Variants in AVEN observed in about 807,000 individuals in gnomAD.
The protein encoded by AVEN is apoptosis and caspase activation inhibitor, also known as cell death regulator Aven.
A neutral mutation model predicts 38.1 loss-of-function variants in AVEN; 41 were observed. That is an observed-to-expected ratio of 1.08 (90% CI 0.84 to 1.40). The LOEUF is 1.40. Ranked by LOEUF, AVEN falls within the 40% of genes most tolerant of loss-of-function variation. AVEN has a pLI of 0.00. For synonymous variants in AVEN, 206 were observed against 171.8 expected (o/e 1.20, Z -1.56); for missense variants, 605 against 438.8 (o/e 1.38, Z -3.38).
intron 1 of AVEN, among the ~76,000 whole-genome samples, chr15:34,014,367 T>A (rs1223816797): frequency 2.9e-4 from 4 of 13,576 alleles, no homozygotes; most frequent in Admixed American, 1.7e-3. Context: ...TCCATCTCAT[T>A]AAAAAAAAAA....
At chr15:34,064,262 A>C in intron 4 of AVEN, 1 of 1,614,100 alleles carries the variant, frequency 6.2e-7, no homozygotes. Flanking sequence ...GCCGATGGAA[A>C]AAGAAAAAAG....
intron 2 of AVEN, among the ~76,000 whole-genome samples, chr15:33,916,771 C>T (rs1230289120): frequency 1.3e-5 from 2 of 151,838 alleles, no homozygotes; most frequent in Non-Finnish European, 2.9e-5. Flanking sequence ...CGTTATTAGT[C>T]TGTTCTCATG....
chr15:33,985,977 AC>A (rs1896432205), intron 2 of AVEN, among the ~76,000 whole-genome samples: 1 of 152,210 alleles, frequency 6.6e-6, no homozygotes, highest in South Asian at 2.1e-4. Flanking sequence ...GATCTAACTC[AC>A]ATAGCATTCC....
downstream of AVEN, among the ~76,000 whole-genome samples, chr15:33,861,585 T>A (rs1190884263): frequency 6.6e-6 from 1 of 152,150 alleles, no homozygotes; most frequent in Admixed American, 6.6e-5. Context: ...AAGCTGTCCA[T>A]GCTCAGTCAC....
chr15:34,003,299 A>G, intron 1 of AVEN, 90 bp from the exon 2 acceptor site: 1 of 1,135,272 alleles, frequency 8.8e-7, no homozygotes, highest in Non-Finnish European at 1.3e-6. Flanking sequence ...ACATGGACAT[A>G]ACAATAAAAA....
At chr15:34,070,976 T>C (rs1299360823) in intron 1 of AVEN, among the ~76,000 whole-genome samples, 4 of 152,198 alleles carry the variant, frequency 2.6e-5, no homozygotes, top group Admixed American at 6.5e-5. Context: ...ACTACCACCC[T>C]GTGTTAGTGT....
At chr15:34,037,203 T>C (rs1477313944) in intron 1 of AVEN, among the ~76,000 whole-genome samples, 1 of 152,034 alleles carries the variant, frequency 6.6e-6, no homozygotes, top group East Asian at 1.9e-4. Context: ...CAATTCAACT[T>C]AAAGACACTT....
At position 33,860,188 on chromosome 15, in the gene AVEN, C is replaced by A. The variant is rs190194371; in HGVS notation, n.2730-1094G>T. 5.9e-5 allele frequency among the ~76,000 whole-genome samples: 9 copies of A among 152,232 alleles called. No individual in the cohort carries two copies. The East Asian group carries it at 1.7e-3, about 29-fold the overall frequency. The stretch of plus-strand genomic sequence containing the variant: ...CTTGAGTCATGCTGAGTGGAGGAAC[C>A]TGTAAGACATGCAGGTGTTGAGGGC... On this transcript the variant is annotated intron_variant and non_coding_transcript_variant, in intron 11 of 11. Transcript: ENST00000675287.
chr15:34,047,311 T>A (rs1004027243), intron 5 of AVEN, among the ~76,000 whole-genome samples: 1 of 152,124 alleles, frequency 6.6e-6, no homozygotes, highest in African/African-American at 2.4e-5. Context: ...TCTCCTGACC[T>A]GATGATCCGC....
At chr15:33,968,349 C>A (rs1375298744) in intron 2 of AVEN, among the ~76,000 whole-genome samples, 5 of 152,092 alleles carry the variant, frequency 3.3e-5, no homozygotes, top group African/African-American at 1.2e-4. Flanking sequence ...GAACACCTAT[C>A]AAAACGAATA....
At chr15:34,001,364 CT>C (rs908279987) in intron 2 of AVEN, among the ~76,000 whole-genome samples, 1 of 151,928 alleles carries the variant, frequency 6.6e-6, no homozygotes, top group Admixed American at 6.6e-5. Context: ...TATGAAGTAT[CT>C]TTTTTTTGAC....
rs150405972 is a variant in AVEN, at chr15:34,037,681, T to C, written c.267+1099A>G. Among the ~76,000 whole-genome samples the C allele has an allele frequency of 4.6e-5, 7 of 151,940 alleles. No individual in the cohort carries two copies. In the East Asian group the frequency reaches 9.6e-4, roughly 21 times the overall value. ...GGTAAACTGACCCTAAAAATGTTTT[T>C]ATATCTCATTCAAGTTTTGCCTATT... is the stretch of plus-strand genomic sequence containing the variant. On this transcript the variant is annotated intron_variant, in intron 1 of 5. Coordinates refer to ENST00000306730, the MANE Select transcript of AVEN (RefSeq NM_020371.3).
At chr15:33,913,719 A>G (rs2091506964) in intron 2 of AVEN, among the ~76,000 whole-genome samples, 1 of 152,206 alleles carries the variant, frequency 6.6e-6, no homozygotes, top group Admixed American at 6.5e-5. Flanking sequence ...TAGTCTTAGG[A>G]TATTTAATAT....
chr15:33,979,342 C>A lies in AVEN; in HGVS notation c.445+23690G>T, dbSNP rs572025016. Among the ~76,000 whole-genome samples the A allele has an allele frequency of 1.5e-4, 23 of 152,076 alleles. No individual in the cohort carries two copies. In the South Asian group the frequency reaches 3.9e-3, roughly 26 times the overall value. ...TTTGAGATCAGCCTGGGCAATATGG[C>A]AAAACCATATACAAAAATTAGCCGG... On this transcript the variant is annotated intron_variant, in intron 2 of 5. Transcript: ENST00000306730.
chr15:33,905,787 T>A (rs866270800), intron 2 of AVEN, among the ~76,000 whole-genome samples: 2 of 148,184 alleles, frequency 1.3e-5, no homozygotes, highest in South Asian at 2.1e-4. Context: ...GCCATTGCAC[T>A]CCAGCCTGTA....
chr15:33,898,580 C>T (rs1892346012), intron 2 of AVEN, among the ~76,000 whole-genome samples: 2 of 152,214 alleles, frequency 1.3e-5, no homozygotes, highest in Non-Finnish European at 2.9e-5. Context: ...CCCTGTGTCT[C>T]TGTCCAAATT....
intron 1 of AVEN, among the ~76,000 whole-genome samples, chr15:34,017,504 A>T (rs1897984457): frequency 1.0e-5 from 1 of 96,954 alleles, no homozygotes. Context: ...TTTTTTTGAG[A>T]CAGGGTCTTG....
intron 2 of AVEN, among the ~76,000 whole-genome samples, chr15:33,961,726 T>G (rs979532653): frequency 7.2e-6 from 1 of 139,516 alleles, no homozygotes. Context: ...GGCAGGAGAA[T>G]GGCGTGAACC....
At chr15:33,957,765 C>A (rs1305971545) in intron 2 of AVEN, among the ~76,000 whole-genome samples, 1 of 151,344 alleles carries the variant, frequency 6.6e-6, no homozygotes, top group Non-Finnish European at 1.5e-5. Context: ...TGAATAATTC[C>A]ATTTGTGCAG....
Sources: allele counts gnomAD v4.1 joint callset (sites outside exome capture counted in the v4.1 genomes callset), GRCh38; gene constraint gnomAD v4.1.1; transcripts MANE v1.5; gene names NCBI Gene and HGNC (gene_info 2026-07-23, HGNC 2026-07-21).